PLCL1: variants seen among roughly 807,000 people sequenced by gnomAD.
PLCL1 encodes phospholipase C like 1 (inactive), also known as inactive phospholipase C-like protein 1.
In PLCL1, 41 loss-of-function variants were observed where a neutral mutation model predicts 84.4. The ratio of observed to expected loss-of-function variants is 0.49; its 90% CI spans 0.38 to 0.63. The LOEUF is 0.63. PLCL1 is among the 30% of genes least tolerant of loss of function. The pLI is 0.00. For missense variants in PLCL1, 1,206 were observed against 1,367.8 expected (o/e 0.88, Z 1.87); for synonymous variants, 490 against 488.3 (o/e 1.00, Z -0.05).
chr2:198,144,828 G>T (rs1358035317), intron 5 of PLCL1, among the ~76,000 whole-genome samples: 2 of 152,054 alleles, frequency 1.3e-5, no homozygotes, highest in Non-Finnish European at 2.9e-5. Context: ...CAATGAATAG[G>T]AGTCTCTAGG....
At chr2:198,052,920 G>T (rs1278942908) in intron 1 of PLCL1, among the ~76,000 whole-genome samples, 3 of 152,178 alleles carry the variant, frequency 2.0e-5, no homozygotes, top group Non-Finnish European at 4.4e-5. Flanking sequence ...TATAGTCTCT[G>T]CTTATTATAT....
In PLCL1 at chr2:198,015,355, T is replaced by A. The variant is rs190526386; in HGVS notation, c.241-68403T>A. ...AAGCAATATAGTACTTAGCAAAAAA[T>A]ATAACACATTCTCTCATAAGGCACA... On this transcript the variant is annotated intron_variant, in intron 1 of 5. Transcript: ENST00000428675. Among the ~76,000 whole-genome samples, 660 of 152,216 alleles carry A rather than the reference T, an allele frequency of 4.3e-3. 3 individuals carry two copies. The highest frequency in any genetic ancestry group is 0.017 in the Middle Eastern group (5 of 294).
chr2:197,889,481 C>A (rs998915429), intron 1 of PLCL1, among the ~76,000 whole-genome samples: 1 of 152,118 alleles, frequency 6.6e-6, no homozygotes, highest in African/African-American at 2.4e-5. Flanking sequence ...TCTGCTTACA[C>A]TGAGTTTTAA....
At chr2:197,995,795 T>C (rs1016103411) in intron 1 of PLCL1, among the ~76,000 whole-genome samples, 16 of 152,194 alleles carry the variant, frequency 1.1e-4, no homozygotes, top group African/African-American at 3.6e-4. Context: ...TGGCTGCTGG[T>C]ATCTGCTTCT....
In PLCL1 at chr2:197,981,516, C is replaced by A. The variant is rs369250169; in HGVS notation, c.241-102242C>A. 2.4e-4 allele frequency among the ~76,000 whole-genome samples: 36 copies of A among 152,260 alleles called. 1 individual carries two copies. Among genetic ancestry groups the A allele is most frequent in the African/African-American group, 8.2e-4 (34 of 41,538 alleles). Reference sequence around the variant, plus strand: ...CTGTATAGGTTATTTGCATGTAAATCATATTGACACACAAACTTTACTTTG... The same window carrying A: ...CTGTATAGGTTATTTGCATGTAAATAATATTGACACACAAACTTTACTTTG... On this transcript the variant is annotated intron_variant, in intron 1 of 5. Coordinates refer to ENST00000428675, the MANE Select transcript of PLCL1 (RefSeq NM_006226.4).
intron 1 of PLCL1, among the ~76,000 whole-genome samples, chr2:197,898,605 T>C (rs1688201238): frequency 6.6e-6 from 1 of 151,758 alleles, no homozygotes; most frequent in African/African-American, 2.4e-5. Context: ...TTTGCCCTTC[T>C]TCTATCTGAC....
intron 1 of PLCL1, among the ~76,000 whole-genome samples, chr2:197,976,510 A>G (rs1300193625): frequency 3.3e-5 from 5 of 151,940 alleles, no homozygotes; most frequent in Non-Finnish European, 7.4e-5. Context: ...GTGCAGTGGC[A>G]TGAACTCGGC....
At chr2:198,086,562 A>G (rs530661987) in intron 2 of PLCL1, among the ~76,000 whole-genome samples, 1 of 152,204 alleles carries the variant, frequency 6.6e-6, no homozygotes, top group African/African-American at 2.4e-5. Flanking sequence ...TCAATGATGC[A>G]GTGTGCTGTG....
chr2:197,886,747 C>T (rs544332470), intron 1 of PLCL1, among the ~76,000 whole-genome samples: 2 of 152,126 alleles, frequency 1.3e-5, no homozygotes, highest in African/African-American at 4.8e-5. Flanking sequence ...GGTCTTAGCT[C>T]TTGGGTGGAT....
intron 4 of PLCL1, among the ~76,000 whole-genome samples, chr2:198,101,886 C>G (rs1693347061): frequency 6.6e-6 from 1 of 152,020 alleles, no homozygotes; most frequent in Admixed American, 6.6e-5. Context: ...CTTTCATCTC[C>G]TGGATCCACA....
At chr2:198,094,501 A>G (rs1693141483) in intron 3 of PLCL1, among the ~76,000 whole-genome samples, 1 of 133,828 alleles carries the variant, frequency 7.5e-6, no homozygotes. Context: ...GGGAAGGCAC[A>G]CTCTCCCCTG....
At chr2:198,070,985 A>G (rs1216013694) in intron 1 of PLCL1, 2 of 800,164 alleles carry the variant, frequency 2.5e-6, no homozygotes, top group Non-Finnish European at 3.0e-6. Flanking sequence ...TCTAGAGATA[A>G]CCACTATCAC....
intron 1 of PLCL1, among the ~76,000 whole-genome samples, chr2:197,909,533 T>C (rs1688444668): frequency 6.6e-6 from 1 of 152,142 alleles, no homozygotes; most frequent in Admixed American, 6.6e-5. Context: ...TTCCTCCTCA[T>C]GGCTCTGGGA....
intron 1 of PLCL1, among the ~76,000 whole-genome samples, chr2:197,980,065 C>T (rs1690071252): frequency 6.6e-6 from 1 of 152,138 alleles, no homozygotes; most frequent in Non-Finnish European, 1.5e-5. Flanking sequence ...AGACTCCATG[C>T]ATTAGAACAA....
At chr2:197,917,660 T>C (rs986581361) in intron 1 of PLCL1, among the ~76,000 whole-genome samples, 2 of 152,156 alleles carry the variant, frequency 1.3e-5, no homozygotes, top group Admixed American at 6.5e-5. Flanking sequence ...TAGGATTGAA[T>C]GCAGAATGTG....
intron 5 of PLCL1, among the ~76,000 whole-genome samples, chr2:198,129,586 C>A (rs1308040178): frequency 6.6e-6 from 1 of 152,150 alleles, no homozygotes; most frequent in Non-Finnish European, 1.5e-5. Context: ...TTCTCAGGAC[C>A]TCCTGAGGCT....
intron 3 of PLCL1, among the ~76,000 whole-genome samples, chr2:198,092,666 A>C (rs1693075536): frequency 6.6e-6 from 1 of 152,178 alleles, no homozygotes; most frequent in Admixed American, 6.5e-5. Context: ...TCATTTTCTC[A>C]GAAAAGCCTT....
chr2:197,989,609 C>T (rs1164830768), intron 1 of PLCL1, among the ~76,000 whole-genome samples: 1 of 152,028 alleles, frequency 6.6e-6, no homozygotes, highest in African/African-American at 2.4e-5. Flanking sequence ...GAGGCTGAGG[C>T]ATGAGAATCA....
intron 1 of PLCL1, among the ~76,000 whole-genome samples, chr2:198,019,752 C>A (rs112542437): frequency 0.015 from 2,227 of 152,222 alleles, 56 homozygotes; most frequent in African/African-American, 0.051. Context: ...AAGACCAAAC[C>A]TACATTTGAT....
Sources: allele counts gnomAD v4.1 joint callset (sites outside exome capture counted in the v4.1 genomes callset), GRCh38; gene constraint gnomAD v4.1.1; transcripts MANE v1.5; gene names NCBI Gene and HGNC (gene_info 2026-07-23, HGNC 2026-07-21).